Variants in ZFAND3 observed in about 807,000 individuals in gnomAD.
ZFAND3 encodes AN1-type zinc finger protein 3.
A neutral mutation model predicts 29.6 loss-of-function variants in ZFAND3; 10 were observed. The ratio of observed to expected loss-of-function variants is 0.34; its 90% CI spans 0.21 to 0.57. The LOEUF (loss-of-function observed/expected upper bound fraction) is 0.57, where lower values mean the gene tolerates loss of function less well. Ranked by LOEUF, ZFAND3 falls within the 20% of genes least tolerant of loss-of-function variation. The pLI is 0.86. For missense variants in ZFAND3, 230 were observed against 304.5 expected, an observed-to-expected ratio of 0.76 and a Z score of 1.82; for synonymous variants, 128 against 112.6, an observed-to-expected ratio of 1.14 and a Z score of -0.87.
chr6:37,957,754 G>A (rs1762109264), intron 2 of ZFAND3, among the ~76,000 whole-genome samples: 1 of 152,096 alleles, frequency 6.6e-6, no homozygotes, highest in African/African-American at 2.4e-5. Context: ...ATCTACTCTA[G>A]GAAACTTGTC....
intron 1 of ZFAND3, among the ~76,000 whole-genome samples, chr6:37,855,552 A>T (rs535011663): frequency 2.0e-5 from 3 of 152,152 alleles, no homozygotes; most frequent in Admixed American, 1.3e-4. Flanking sequence ...CAGAGGTTTG[A>T]ACCTAATGAA....
At position 38,153,576 on chromosome 6, in the gene ZFAND3, T is replaced by C; in HGVS notation, c.*1187T>C. On this transcript the variant is annotated 3_prime_UTR_variant, in exon 6 of 6. Transcript: ENST00000287218. ...GCCCAGCTCCGAGAGTGATATTTGC[T>C]CTGGTAGGTGAGGGCCTGAGGGTAC... 1.0e-6 allele frequency: 1 copy of C among 985,484 alleles called. No homozygotes were observed. The highest frequency in any genetic ancestry group is 1.2e-6 in the Non-Finnish European group (1 of 830,012). 61.0% of individuals were successfully genotyped at this position (985,484 alleles called of 1,614,324 possible).
intron 5 of ZFAND3, among the ~76,000 whole-genome samples, chr6:38,117,256 CTT>C (rs35684874): frequency 5.2e-5 from 5 of 96,350 alleles, no homozygotes; most frequent in Admixed American, 2.3e-4. Context: ...TTGAAATAGC[CTT>C]TTTTTTTTTT....
At chr6:37,946,655 A>T (rs1761907001) in intron 2 of ZFAND3, among the ~76,000 whole-genome samples, 1 of 152,218 alleles carries the variant, frequency 6.6e-6, no homozygotes, top group African/African-American at 2.4e-5. Flanking sequence ...CCAGTGCCTT[A>T]ATTTCTCACA....
chr6:37,936,367 A>T (rs1761698786), intron 2 of ZFAND3, among the ~76,000 whole-genome samples: 1 of 152,204 alleles, frequency 6.6e-6, no homozygotes, highest in African/African-American at 2.4e-5. Context: ...TATACTTTAT[A>T]AGGCAGTGAG....
chr6:37,975,270 T>C (rs750879335), intron 2 of ZFAND3, among the ~76,000 whole-genome samples: 1 of 152,220 alleles, frequency 6.6e-6, no homozygotes, highest in Non-Finnish European at 1.5e-5. Context: ...TTGCCATCCA[T>C]GTATCTTCTT....
chr6:38,060,516 G>A (rs1046907550), intron 2 of ZFAND3, among the ~76,000 whole-genome samples: 1 of 132,940 alleles, frequency 7.5e-6, no homozygotes, highest in East Asian at 2.2e-4. Context: ...CCCTTGCCCT[G>A]CCCTTTCCCC....
At chr6:37,961,755 G>A (rs1488758577) in intron 2 of ZFAND3, among the ~76,000 whole-genome samples, 6 of 152,216 alleles carry the variant, frequency 3.9e-5, no homozygotes, top group Non-Finnish European at 8.8e-5. Context: ...GTCCAAGACC[G>A]TCAAGGTGGT....
At chr6:38,065,540 T>C (rs1490106803) in intron 3 of ZFAND3, among the ~76,000 whole-genome samples, 1 of 152,214 alleles carries the variant, frequency 6.6e-6, no homozygotes, top group African/African-American at 2.4e-5. Context: ...TCAAAGTTCT[T>C]TAGATGCGGT....
At chr6:37,842,665 A>G (rs1764099981) in intron 1 of ZFAND3, among the ~76,000 whole-genome samples, 1 of 152,210 alleles carries the variant, frequency 6.6e-6, no homozygotes, top group Non-Finnish European at 1.5e-5. Flanking sequence ...AAGGACTAGA[A>G]TAGATTGGAA....
intron 1 of ZFAND3, among the ~76,000 whole-genome samples, chr6:37,864,824 G>A (rs1431754624): frequency 1.3e-5 from 2 of 152,012 alleles, no homozygotes; most frequent in African/African-American, 4.8e-5. Context: ...GTATTCCTGG[G>A]GGATTGATTC....
intron 2 of ZFAND3, among the ~76,000 whole-genome samples, chr6:38,027,968 T>A (rs1158960468): frequency 6.6e-6 from 1 of 152,242 alleles, no homozygotes; most frequent in East Asian, 1.9e-4. Context: ...GAGGCTGGGC[T>A]TAAAGGTGGT....
At chr6:38,040,020 T>C (rs535354063) in intron 2 of ZFAND3, among the ~76,000 whole-genome samples, 3 of 152,062 alleles carry the variant, frequency 2.0e-5, no homozygotes, top group East Asian at 1.9e-4. Flanking sequence ...TCTTGAGACA[T>C]TGGGGAGAGA....
intron 1 of ZFAND3, among the ~76,000 whole-genome samples, chr6:37,910,633 G>C (rs936984243): frequency 6.6e-5 from 10 of 152,088 alleles, no homozygotes; most frequent in Non-Finnish European, 1.0e-4. Flanking sequence ...CAATTTTCAA[G>C]TATACAATAA....
chr6:37,985,207 C>T (rs1383727752), intron 2 of ZFAND3, among the ~76,000 whole-genome samples: 2 of 152,124 alleles, frequency 1.3e-5, no homozygotes, highest in East Asian at 1.9e-4. Flanking sequence ...CCTGTAGTCA[C>T]GGCTTCTTAG....
At chr6:37,895,027 G>A (rs146112821) in intron 1 of ZFAND3, among the ~76,000 whole-genome samples, 1 of 152,060 alleles carries the variant, frequency 6.6e-6, no homozygotes, top group East Asian at 1.9e-4. Flanking sequence ...AGAGATTTTT[G>A]GATCAAAGGG....
chr6:38,127,855 C>T (rs1385582929), intron 5 of ZFAND3, among the ~76,000 whole-genome samples: 1 of 152,202 alleles, frequency 6.6e-6, no homozygotes, highest in Non-Finnish European at 1.5e-5. Flanking sequence ...ATGGCAGTGC[C>T]TGCTCCTCCC....
chr6:37,877,496 G>T lies in ZFAND3; in HGVS notation c.72-52463G>T, dbSNP rs138237537. On this transcript the variant is annotated intron_variant, in intron 1 of 5. Coordinates refer to ENST00000287218, the MANE Select transcript of ZFAND3 (RefSeq NM_021943.3). ...AGATGGTGAGAAGTAGTCAGTTTGGGGCTATGTTTTTGCAAGCCTTGTGAT... is the reference window on the plus strand; with the variant it reads ...AGATGGTGAGAAGTAGTCAGTTTGGTGCTATGTTTTTGCAAGCCTTGTGAT... Among the ~76,000 whole-genome samples the T allele has an allele frequency of 8.5e-5, 13 of 152,194 alleles. No individual in the cohort carries two copies. In the East Asian group the frequency reaches 2.5e-3, roughly 29 times the overall value.
At chr6:37,976,499 A>G (rs543146668) in intron 2 of ZFAND3, among the ~76,000 whole-genome samples, 3 of 148,892 alleles carry the variant, frequency 2.0e-5, no homozygotes, top group Admixed American at 6.9e-5. Context: ...TGGAAGAATC[A>G]CTTGAGCCCC....
Sources: gnomAD v4.1 joint callset for allele counts (sites outside exome capture counted in the v4.1 genomes callset) on GRCh38, gnomAD v4.1.1 for gene constraint, MANE v1.5 for transcripts, NCBI Gene and HGNC (gene_info 2026-07-23, HGNC 2026-07-21) for gene names.